Variants in AUTS2 observed in about 807,000 individuals in gnomAD.
The protein encoded by AUTS2 is autism susceptibility gene 2 protein.
A neutral mutation model predicts 112.4 loss-of-function variants in AUTS2; 17 were observed. The ratio of observed to expected loss-of-function variants is 0.15; its 90% confidence interval spans 0.10 to 0.23. The LOEUF is 0.23. Ranked by LOEUF, AUTS2 falls within the 10% of genes least tolerant of loss-of-function variation. The pLI is 1.00. For synonymous variants in AUTS2, 751 were observed against 702.7 expected (o/e 1.07, Z -1.09); for missense variants, 1,510 against 1,701.6 (o/e 0.89, Z 1.98).
intron 5 of AUTS2, among the ~76,000 whole-genome samples, chr7:70,683,146 A>G (rs755849372): frequency 2.0e-5 from 3 of 152,208 alleles, no homozygotes; most frequent in Non-Finnish European, 2.9e-5. Flanking sequence ...GGTTAATGAT[A>G]TATTTTTTAG....
intron 2 of AUTS2, among the ~76,000 whole-genome samples, chr7:70,101,507 C>T (rs1440582046): frequency 6.6e-6 from 1 of 151,908 alleles, no homozygotes; most frequent in Non-Finnish European, 1.5e-5. Flanking sequence ...CCAGCCTGAA[C>T]AAAACAGTGA....
intron 4 of AUTS2, among the ~76,000 whole-genome samples, chr7:70,358,523 G>A (rs1792112160): frequency 6.6e-6 from 1 of 152,220 alleles, no homozygotes; most frequent in African/African-American, 2.4e-5. Flanking sequence ...GCCTATAGGT[G>A]TGTGTACCAA....
intron 4 of AUTS2, among the ~76,000 whole-genome samples, chr7:70,230,101 C>A (rs1811968452): frequency 1.3e-5 from 2 of 151,252 alleles, no homozygotes; most frequent in African/African-American, 4.9e-5. Flanking sequence ...CTTTTTTTTC[C>A]TTTTGGAATG....
intron 4 of AUTS2, among the ~76,000 whole-genome samples, chr7:70,150,099 A>G (rs192084729): frequency 4.5e-4 from 68 of 152,254 alleles, no homozygotes; most frequent in South Asian, 8.3e-4. Context: ...AATTAAGTGA[A>G]CTTGAGTTCA....
At position 70,790,786 on chromosome 7, in the gene AUTS2, C is replaced by T; in HGVS notation, c.3570C>T (p.Pro1190=). Residue 1190 remains proline (P), a synonymous_variant, in exon 19 of 19, where the codon CCC becomes CCT. Transcript: ENST00000342771. The surrounding 1 kb of genome is among the most constrained non-coding windows in gnomAD (Gnocchi z 7.6). The part of the protein sequence containing the change: ...PHPSLITPGL[P]SMHYPRISPT... ...CCAGCCTCATCACCCCGGGACTCCCCAGCATGCACTATCCCCGCATCAGCC... is the reference window on the plus strand; with the variant it reads ...CCAGCCTCATCACCCCGGGACTCCCTAGCATGCACTATCCCCGCATCAGCC... 1.2e-6 allele frequency: 2 copies of T among 1,611,848 alleles called. No homozygotes were observed. The highest frequency in any genetic ancestry group is 2.2e-5 in the East Asian group (1 of 44,806).
intron 6 of AUTS2, among the ~76,000 whole-genome samples, chr7:70,746,579 A>G (rs1788466975): frequency 6.6e-6 from 1 of 152,250 alleles, no homozygotes; most frequent in Admixed American, 6.5e-5. Flanking sequence ...GAAGTTCATC[A>G]GAGCAGATGG....
At chr7:69,714,215 C>T (rs1295605382) in intron 1 of AUTS2, among the ~76,000 whole-genome samples, 1 of 149,096 alleles carries the variant, frequency 6.7e-6, no homozygotes, top group Non-Finnish European at 1.5e-5. Context: ...AGGCATGCAC[C>T]AACACACCCA....
intron 4 of AUTS2, among the ~76,000 whole-genome samples, chr7:70,218,509 C>T (rs1037557479): frequency 6.6e-6 from 1 of 152,056 alleles, no homozygotes; most frequent in African/African-American, 2.4e-5. Flanking sequence ...GGTCTGTGAT[C>T]GGCCACTGAG....
intron 4 of AUTS2, among the ~76,000 whole-genome samples, chr7:70,260,719 T>C (rs2129607076): frequency 1.3e-5 from 2 of 152,112 alleles, no homozygotes; most frequent in Middle Eastern, 6.8e-3. Context: ...GAAATGGAAC[T>C]ATATGCTTAC....
intron 1 of AUTS2, among the ~76,000 whole-genome samples, chr7:69,789,059 A>G (rs956791411): frequency 2.0e-5 from 3 of 152,178 alleles, no homozygotes; most frequent in African/African-American, 7.2e-5. Context: ...AAAGAAATTA[A>G]TGTTTAATGC....
intron 5 of AUTS2, among the ~76,000 whole-genome samples, chr7:70,523,392 C>G (rs1189952287): frequency 4.6e-5 from 7 of 152,224 alleles, no homozygotes; most frequent in Non-Finnish European, 1.0e-4. Flanking sequence ...ATTGTATTCT[C>G]TGACAAAAGC....
chr7:70,041,638 A>G (rs1350053044), intron 2 of AUTS2, among the ~76,000 whole-genome samples: 4 of 152,190 alleles, frequency 2.6e-5, no homozygotes, highest in African/African-American at 9.6e-5. Context: ...TTGGGTATGT[A>G]TGTATATGTG....
chr7:69,910,485 G>A (rs529257101), intron 2 of AUTS2, among the ~76,000 whole-genome samples: 160 of 152,304 alleles, frequency 1.1e-3, no homozygotes, highest in Non-Finnish European at 1.7e-3. Context: ...TAAAAAAAGA[G>A]GTTTAATGGA....
intron 2 of AUTS2, among the ~76,000 whole-genome samples, chr7:69,933,762 C>T (rs1039471590): frequency 1.3e-5 from 2 of 152,156 alleles, no homozygotes; most frequent in Non-Finnish European, 2.9e-5. Flanking sequence ...ACCTCAGCCT[C>T]CCAAAATGTT....
intron 6 of AUTS2, among the ~76,000 whole-genome samples, chr7:70,748,648 AAGG>A (rs1788615407): frequency 6.6e-6 from 1 of 152,182 alleles, no homozygotes; most frequent in Non-Finnish European, 1.5e-5. Context: ...TGGAAAAGTG[AAGG>A]AGGATAAAGA....
chr7:69,673,936 T>C (rs1443746722), intron 1 of AUTS2, among the ~76,000 whole-genome samples: 1 of 152,262 alleles, frequency 6.6e-6, no homozygotes, highest in Non-Finnish European at 1.5e-5. Flanking sequence ...CATAGATGCT[T>C]TAACTTCCTA....
At chr7:70,072,232 T>C (rs553527627) in intron 2 of AUTS2, among the ~76,000 whole-genome samples, 154 of 152,308 alleles carry the variant, frequency 1.0e-3, no homozygotes, top group African/African-American at 3.7e-3. Context: ...ATGGCAGTAT[T>C]GTTTTTTTCT....
At chr7:70,358,980 G>T (rs1450042501) in intron 4 of AUTS2, among the ~76,000 whole-genome samples, 1 of 152,208 alleles carries the variant, frequency 6.6e-6, no homozygotes, top group Non-Finnish European at 1.5e-5. Context: ...AAAGTCAGCT[G>T]GGGTCTTGTG....
In AUTS2 at chr7:70,391,238, A is replaced by G. The variant is rs75698823; in HGVS notation, c.661-44514A>G. On this transcript the variant is annotated intron_variant, in intron 4 of 18. Coordinates refer to ENST00000342771, the MANE Select transcript of AUTS2 (RefSeq NM_015570.4). ...GAGTCCCCTGTCACTGTCCTCAGCA[A>G]ATATGTTTTGTTTGTGTTTTGTTGG... 3.4e-3 allele frequency among the ~76,000 whole-genome samples: 525 copies of G among 152,264 alleles called. 3 individuals carry two copies. In the East Asian group the frequency reaches 0.035, roughly 10 times the overall value.
Sources: gnomAD v4.1 joint callset for allele counts (sites outside exome capture counted in the v4.1 genomes callset) on GRCh38, gnomAD v4.1.1 for gene constraint, Gnocchi (gnomAD v3.1) non-coding constraint, MANE v1.5 for transcripts, NCBI Gene and HGNC (gene_info 2026-07-23, HGNC 2026-07-21) for gene names.